Variants in IRAG1 observed in about 807,000 individuals in gnomAD.
The protein encoded by IRAG1 is IP3R-associated cGMP kinase substrate.
IRAG1 carries 62 observed loss-of-function variants against 106.2 expected under a neutral mutation model. The ratio of observed to expected loss-of-function variants is 0.58; its 90% confidence interval spans 0.48 to 0.72. IRAG1 has a LOEUF of 0.72. Among genes scored for constraint, IRAG1 ranks in the 30% least tolerant of loss-of-function variants. The pLI, the probability that IRAG1 is intolerant of heterozygous loss-of-function variation, is 0.00. For missense variants in IRAG1, 1,064 were observed against 1,140.7 expected, an observed-to-expected ratio of 0.93 and a Z score of 0.97; for synonymous variants, 462 against 443.9, an observed-to-expected ratio of 1.04 and a Z score of -0.51.
In IRAG1 at chr11:10,659,286, C is replaced by T. The variant is rs1746404514; in HGVS notation, c.68-7104G>A. On this transcript the variant is annotated intron_variant, in intron 1 of 20. Transcript: ENST00000423302. This position sits in a 1 kb window ranked among gnomAD's most constrained non-coding sequence, Gnocchi z 4.1. The stretch of plus-strand genomic sequence containing the variant: ...AGTGAGTGACTGAAGGGGGTACAGC[C>T]ACCCCCCAGTGTGTGGTGGAAGCCC... Among the ~76,000 whole-genome samples the T allele has an allele frequency of 6.6e-6, 1 of 152,192 alleles. No homozygotes were observed. The highest frequency in any genetic ancestry group is 6.5e-5 in the Admixed American group (1 of 15,284).
chr11:10,591,518 T>C (rs759181341), intron 18 of IRAG1, 30 bp downstream of exon 18: 2 of 1,567,116 alleles, frequency 1.3e-6, no homozygotes, highest in Non-Finnish European at 1.7e-6. Context: ...GAGAGATCCC[T>C]GAAGCCAAGA....
chr11:10,659,135 TC>T lies in IRAG1; in HGVS notation c.68-6954del, dbSNP rs1326604636. 6.6e-6 allele frequency among the ~76,000 whole-genome samples: 1 copy of T among 152,140 alleles called. No individual in the cohort carries two copies. Among genetic ancestry groups the T allele is most frequent in the African/African-American group, 2.4e-5 (1 of 41,422 alleles). ...CCACTATCCCTGTACTCATGATGACTCCCCCAAAACAGAGGTTTTTGTTCCA... is the reference window on the plus strand; with the variant it reads ...CCACTATCCCTGTACTCATGATGACTCCCCAAAACAGAGGTTTTTGTTCCA... On this transcript the variant is annotated intron_variant, in intron 1 of 20. Transcript: ENST00000423302. This position sits in a 1 kb window ranked among gnomAD's most constrained non-coding sequence, Gnocchi z 4.1.
At chr11:10,682,880 C>A (rs971748324) in intron 1 of IRAG1, among the ~76,000 whole-genome samples, 2 of 152,154 alleles carry the variant, frequency 1.3e-5, no homozygotes, top group African/African-American at 4.8e-5. Context: ...CTGGCCATGA[C>A]TGATTGACCC....
intron 15 of IRAG1, chr11:10,595,657 G>A (rs911426200): frequency 1.3e-5 from 2 of 152,092 alleles, no homozygotes; most frequent in African/African-American, 4.8e-5. Context: ...TGTCTTTGTT[G>A]ACTATTCTTT....
intron 10 of IRAG1, among the ~76,000 whole-genome samples, chr11:10,612,664 TAGAA>T (rs1183217940): frequency 7.2e-6 from 1 of 139,414 alleles, no homozygotes; most frequent in African/African-American, 2.7e-5. Flanking sequence ...GGAAGGAAGG[TAGAA>T]AGGAAGGAAA....
chr11:10,634,040 G>T lies in IRAG1; in HGVS notation c.257C>A (p.Pro86Gln), dbSNP rs1257257717. ...GPPAAGVSCS[P>Q]TPTIVLTGDA... The stretch of plus-strand genomic sequence containing the variant: ...CCCAGTCAGGACAATCGTGGGAGTT[G>T]GACTGCAAGATACTCCTGCGGCAGG... The change falls in exon 3 of 21, where the codon CCA (proline) becomes CAA (glutamine). Residue 86 changes from proline to glutamine, a missense_variant. Physicochemically the swap from Pro to Gln is moderately conservative, Grantham distance 76 (BLOSUM62 -1). Coordinates refer to ENST00000423302, the MANE Select transcript of IRAG1 (RefSeq NM_130385.4). The T allele has an allele frequency of 6.2e-7, 1 of 1,611,852 alleles. No homozygotes were observed. Among genetic ancestry groups the T allele is most frequent in the Non-Finnish European group, 8.5e-7 (1 of 1,178,822 alleles).
chr11:10,580,416 T>A, intron 20 of IRAG1, 39 bp downstream of exon 20: 2 of 1,595,494 alleles, frequency 1.3e-6, no homozygotes, highest in South Asian at 2.3e-5. Context: ...GTAACCCCCA[T>A]TTCAGCAACG....
In IRAG1 at chr11:10,602,764, G is replaced by A. The variant is rs941596544; in HGVS notation, c.1875+356C>T. On this transcript the variant is annotated intron_variant, in intron 14 of 20. Coordinates refer to ENST00000423302, the MANE Select transcript of IRAG1 (RefSeq NM_130385.4). ...AAAATAAAATGGAGAGCTGTGGGGGGAATTCTTCAGTTAAATACGTTTGGG... is the reference window on the plus strand; with the variant it reads ...AAAATAAAATGGAGAGCTGTGGGGGAAATTCTTCAGTTAAATACGTTTGGG... Among the ~76,000 whole-genome samples the A allele has an allele frequency of 2.0e-5, 3 of 152,176 alleles. No individual in the cohort carries two copies. The South Asian group carries it at 6.2e-4, about 32-fold the overall frequency.
chr11:10,634,597 G>GC (rs1856993927), intron 2 of IRAG1, among the ~76,000 whole-genome samples: 1 of 152,158 alleles, frequency 6.6e-6, no homozygotes, highest in African/African-American at 2.4e-5. Flanking sequence ...CTCTGTTTCT[G>GC]CAAGTTTGAC....
chr11:10,575,395 T>C lies in IRAG1; in HGVS notation c.*937A>G, dbSNP rs1382916061. 2 of 152,242 alleles carry C rather than the reference T, an allele frequency of 1.3e-5. No individual in the cohort carries two copies. The highest frequency in any genetic ancestry group is 4.8e-5 in the African/African-American group (2 of 41,474). The allele number at this position is 152,242 out of a possible 1,614,324, so 9.4% of individuals were successfully genotyped here. A position where few individuals can be genotyped will look rare whatever the true frequency, so the allele number is the denominator to read the frequency against. ...CTGTTTTCAAAGAGAGAATAGGGAA[T>C]AGATTGTGCTGTACAGCAGCTCAGA... On this transcript the variant is annotated 3_prime_UTR_variant, in exon 21 of 21. Coordinates refer to ENST00000423302, the MANE Select transcript of IRAG1 (RefSeq NM_130385.4).
rs1589989397 is a variant in IRAG1, at chr11:10,690,326, T to C, written c.67+3210A>G. On this transcript the variant is annotated intron_variant, in intron 1 of 20. Transcript: ENST00000423302. The stretch of plus-strand genomic sequence containing the variant: ...AATTGCTTGAACCCGGGAGGTGGGG[T>C]TGCACCACTGCACTCCAGCCTGGGT... The C allele has an allele frequency of 4.2e-6, 5 of 1,194,086 alleles. 1 individual carries two copies. In the African/African-American group the frequency reaches 6.4e-5, roughly 15 times the overall value. 74.0% of individuals were successfully genotyped at this position (1,194,086 alleles called of 1,614,324 possible).
intron 1 of IRAG1, among the ~76,000 whole-genome samples, chr11:10,654,825 G>A (rs188894960): frequency 6.6e-6 from 1 of 152,334 alleles, no homozygotes; most frequent in East Asian, 1.9e-4. Flanking sequence ...GTCTAGTGGG[G>A]AAGATAAGAC....
At chr11:10,662,602 C>T (rs1018217724) in intron 1 of IRAG1, among the ~76,000 whole-genome samples, 4 of 152,232 alleles carry the variant, frequency 2.6e-5, no homozygotes, top group Non-Finnish European at 4.4e-5. Flanking sequence ...CCTCTGGCTC[C>T]GCTTGGAATG....
intron 2 of IRAG1, among the ~76,000 whole-genome samples, chr11:10,651,298 A>G (rs757690249): frequency 6.6e-5 from 10 of 152,246 alleles, no homozygotes; most frequent in Admixed American, 2.0e-4. Flanking sequence ...CCTTGGGGAA[A>G]TGGATGAAGC....
intron 18 of IRAG1, 35 bp downstream of exon 18, chr11:10,591,513 A>C (rs770626345): frequency 6.4e-7 from 1 of 1,553,070 alleles, no homozygotes. Context: ...TTCCTGAGAG[A>C]TCCCTGAAGC....
chr11:10,590,608 A>T (rs942795173), intron 18 of IRAG1, among the ~76,000 whole-genome samples: 2 of 152,100 alleles, frequency 1.3e-5, no homozygotes, highest in Non-Finnish European at 2.9e-5. Flanking sequence ...GAAAAGACAC[A>T]AGGGGAAAAT....
intron 1 of IRAG1, among the ~76,000 whole-genome samples, chr11:10,677,927 G>A (rs1026636441): frequency 6.6e-6 from 1 of 152,112 alleles, no homozygotes; most frequent in East Asian, 1.9e-4. Flanking sequence ...ATGTTTTTGA[G>A]GTTTATCCAC....
At chr11:10,681,947 G>C (rs867141675) in intron 1 of IRAG1, among the ~76,000 whole-genome samples, 1 of 151,824 alleles carries the variant, frequency 6.6e-6, no homozygotes, top group Non-Finnish European at 1.5e-5. Flanking sequence ...ACTCTCTCCC[G>C]GCCTGAAAAA....
chr11:10,666,161 G>C (rs1859770969), intron 1 of IRAG1, among the ~76,000 whole-genome samples: 1 of 152,154 alleles, frequency 6.6e-6, no homozygotes, highest in African/African-American at 2.4e-5. Flanking sequence ...AGGTGGGGAT[G>C]GTCTGGGAGT....
Sources: gnomAD v4.1 joint callset for allele counts (sites outside exome capture counted in the v4.1 genomes callset) on GRCh38, gnomAD v4.1.1 for gene constraint, Gnocchi (gnomAD v3.1) non-coding constraint, MANE v1.5 for transcripts, NCBI Gene and HGNC (gene_info 2026-07-23, HGNC 2026-07-21) for gene names.